SP1: variants seen among roughly 807,000 people sequenced by gnomAD.
SP1 encodes transcription factor Sp1.
In SP1, 6 loss-of-function variants were observed where a neutral mutation model predicts 66.3. The ratio of observed to expected loss-of-function variants is 0.09; its 90% confidence interval spans 0.05 to 0.18. The LOEUF (loss-of-function observed/expected upper bound fraction) is 0.18, where lower values mean the gene tolerates loss of function less well. Among genes scored for constraint, SP1 ranks in the 10% least tolerant of loss-of-function variants. The pLI, the probability that SP1 is intolerant of heterozygous loss-of-function variation, is 1.00. For synonymous variants in SP1, 417 were observed against 360.8 expected, an observed-to-expected ratio of 1.16 and a Z score of -1.77; for missense variants, 848 against 964.5, an observed-to-expected ratio of 0.88 and a Z score of 1.60.
intron 3 of SP1, among the ~76,000 whole-genome samples, chr12:53,386,709 G>A (rs1004281472): frequency 2.6e-5 from 4 of 151,722 alleles, no homozygotes; most frequent in Non-Finnish European, 5.9e-5. Flanking sequence ...GGCTGGTCTC[G>A]AACTCCTGAC....
Position 53,385,294 on chromosome 12 carries a change from AAAAAAT to A in SP1, c.1675+1683_1675+1688del, listed in dbSNP as rs1336961556. On this transcript the variant is annotated intron_variant, in intron 3 of 5. Coordinates refer to ENST00000327443, the MANE Select transcript of SP1 (RefSeq NM_138473.3). ...GGTTGACAGAGCAAGACCCTGTCTC[AAAAAAT>A]AAAAATAAAAGGCGGCCGGGCGCGG... is the stretch of plus-strand genomic sequence containing the variant. Among the ~76,000 whole-genome samples, 4 of 150,572 alleles carry A rather than the reference AAAAAAT, an allele frequency of 2.7e-5. No homozygotes were observed. In the South Asian group the frequency reaches 8.4e-4, roughly 32 times the overall value.
At chr12:53,385,246 ATCACATCACT>A (rs1398589586) in intron 3 of SP1, among the ~76,000 whole-genome samples, 1 of 151,382 alleles carries the variant, frequency 6.6e-6, no homozygotes, top group Admixed American at 6.6e-5. Context: ...GTGAGCCGAG[ATCACATCACT>A]GCACTCCAGC....
At chr12:53,408,267 G>T (rs1209264809) in intron 4 of SP1, among the ~76,000 whole-genome samples, 1 of 142,028 alleles carries the variant, frequency 7.0e-6, no homozygotes, top group East Asian at 2.4e-4. Flanking sequence ...AAAGAGCTTC[G>T]CTCTTGTTGC....
chr12:53,380,257 C>T lies in SP1; in HGVS notation c.-35C>T. ...CCCGGCCCCCCCCAACCCCCCCGGA[C>T]AGGACCCCCTTGAGCTTGTCCCTCA... On this transcript the variant is annotated 5_prime_UTR_variant, in exon 1 of 6. Transcript: ENST00000327443. The T allele has an allele frequency of 7.2e-7, 1 of 1,382,428 alleles. No homozygotes were observed. Among genetic ancestry groups the T allele is most frequent in the Non-Finnish European group, 1.0e-6 (1 of 973,672 alleles). 85.6% of individuals were successfully genotyped at this position (1,382,428 alleles called of 1,614,324 possible).
chr12:53,404,018 A>G (rs1424686397), intron 3 of SP1, among the ~76,000 whole-genome samples: 2 of 151,538 alleles, frequency 1.3e-5, no homozygotes, highest in African/African-American at 4.8e-5. Flanking sequence ...AAAAATACAA[A>G]AAGTTAGCCG....
intron 4 of SP1, among the ~76,000 whole-genome samples, chr12:53,409,035 G>A (rs1486798633): frequency 2.0e-5 from 3 of 151,876 alleles, no homozygotes; most frequent in Admixed American, 6.6e-5. Flanking sequence ...GACCAGCCTC[G>A]CCAACATTGC....
chr12:53,396,198 G>A (rs1376671444), intron 3 of SP1, among the ~76,000 whole-genome samples: 6 of 150,766 alleles, frequency 4.0e-5, no homozygotes, highest in Admixed American at 6.6e-5. Flanking sequence ...GGAGAATGGC[G>A]TGAACCCGGG....
chr12:53,404,144 C>T (rs1039879129), intron 3 of SP1, among the ~76,000 whole-genome samples: 7 of 150,954 alleles, frequency 4.6e-5, no homozygotes, highest in African/African-American at 1.7e-4. Flanking sequence ...GCACTTCAGC[C>T]TGGGCGACAG....
intron 3 of SP1, among the ~76,000 whole-genome samples, chr12:53,403,410 T>G (rs1221260550): frequency 6.6e-6 from 1 of 152,152 alleles, no homozygotes; most frequent in Admixed American, 6.6e-5. Flanking sequence ...TGGAATGCAG[T>G]TGTACAATCA....
intron 3 of SP1, among the ~76,000 whole-genome samples, chr12:53,404,241 A>G (rs1938677159): frequency 6.6e-6 from 1 of 151,594 alleles, no homozygotes; most frequent in Non-Finnish European, 1.5e-5. Flanking sequence ...ACTTTTGCGA[A>G]GAATATTATC....
intron 3 of SP1, among the ~76,000 whole-genome samples, chr12:53,393,436 C>T (rs747000005): frequency 1.3e-5 from 2 of 152,044 alleles, no homozygotes; most frequent in Non-Finnish European, 2.9e-5. Context: ...AGGCAAGCAC[C>T]ACCATGCCAG....
rs1938884434 is a variant in SP1, at chr12:53,411,480, A to G, written c.*240A>G. 2.3e-6 allele frequency: 1 copy of G among 433,676 alleles called. No individual in the cohort carries two copies. 26.9% of individuals were successfully genotyped at this position (433,676 alleles called of 1,614,324 possible). On this transcript the variant is annotated 3_prime_UTR_variant, in exon 6 of 6. Transcript: ENST00000327443. ...ATTCTGTTGGTGCCACGCTTTGATG[A>G]GCATTTGTTTGACCCCAGTTTCTTC... is the stretch of plus-strand genomic sequence containing the variant.
chr12:53,406,065 CTTTTTTTTT>C (rs1170832065), intron 3 of SP1, among the ~76,000 whole-genome samples: 1 of 82,412 alleles, frequency 1.2e-5, no homozygotes, highest in Non-Finnish European at 2.5e-5. Flanking sequence ...TATTTTCTTT[CTTTTTTTTT>C]TTTTTTTTTT....
In SP1 at chr12:53,387,150, A is replaced by G. The variant is rs182342056; in HGVS notation, c.1675+3528A>G. Reference sequence around the variant, plus strand: ...ATTTTTTTAGTAGCGATTGGATTTCACTGTGCTGGTCAGGCTGGTCTCGAA... The same window carrying G: ...ATTTTTTTAGTAGCGATTGGATTTCGCTGTGCTGGTCAGGCTGGTCTCGAA... On this transcript the variant is annotated intron_variant, in intron 3 of 5. Transcript: ENST00000327443. 4.0e-4 allele frequency among the ~76,000 whole-genome samples: 60 copies of G among 151,656 alleles called. 1 individual carries two copies. In the East Asian group the frequency reaches 0.01, roughly 25 times the overall value.
At chr12:53,393,191 G>T (rs1268468273) in intron 3 of SP1, among the ~76,000 whole-genome samples, 1 of 152,048 alleles carries the variant, frequency 6.6e-6, no homozygotes, top group Admixed American at 6.6e-5. Context: ...GCTCAAGTCT[G>T]TAATCCCAGC....
intron 2 of SP1, 113 bp from the exon 3 acceptor site, chr12:53,381,997 T>A (rs1447769295): frequency 5.0e-6 from 6 of 1,199,440 alleles, no homozygotes; most frequent in Non-Finnish European, 4.7e-6. Context: ...AGCTTTTTGT[T>A]TCTGTTTTTT....
chr12:53,387,704 G>C (rs1342697686), intron 3 of SP1, among the ~76,000 whole-genome samples: 1 of 152,062 alleles, frequency 6.6e-6, no homozygotes, highest in Non-Finnish European at 1.5e-5. Flanking sequence ...AAATGTATTC[G>C]AGCCAGCCTG....
intron 3 of SP1, among the ~76,000 whole-genome samples, chr12:53,384,185 G>C (rs1312580423): frequency 6.6e-6 from 1 of 152,036 alleles, no homozygotes; most frequent in Non-Finnish European, 1.5e-5. Flanking sequence ...GAGCTAGGAT[G>C]GTCTCGATCT....
rs373211737 is a variant in SP1, at chr12:53,400,632, C to T, written c.1676-5953C>T. The stretch of plus-strand genomic sequence containing the variant: ...GTTTTGAGACAGAGCCTTGCTCCGT[C>T]GCCCAGGCTGGAGTGGTACGCTCTA... On this transcript the variant is annotated intron_variant, in intron 3 of 5. Coordinates refer to ENST00000327443, the MANE Select transcript of SP1 (RefSeq NM_138473.3). Among the ~76,000 whole-genome samples the T allele has an allele frequency of 1.6e-4, 24 of 152,070 alleles. No homozygotes were observed. In the East Asian group the frequency reaches 3.7e-3, roughly 23 times the overall value.
Sources: allele counts gnomAD v4.1 joint callset (sites outside exome capture counted in the v4.1 genomes callset), GRCh38; gene constraint gnomAD v4.1.1; transcripts MANE v1.5; gene names NCBI Gene and HGNC (gene_info 2026-07-23, HGNC 2026-07-21).